Variants in CPNE2 observed in about 807,000 individuals in gnomAD.
CPNE2 encodes the protein copine-2.
Under a neutral mutation model 69.7 loss-of-function variants are expected in CPNE2, and 42 were observed. The observed-to-expected ratio is 0.60, with a 90% confidence interval of 0.47 to 0.78. The LOEUF (loss-of-function observed/expected upper bound fraction) is 0.78. Among genes scored for constraint, CPNE2 ranks in the 30% least tolerant of loss-of-function variants. The pLI is 0.00. For synonymous variants in CPNE2, 294 were observed against 289.8 expected, an observed-to-expected ratio of 1.01 and a Z score of -0.15; for missense variants, 587 against 732.0, an observed-to-expected ratio of 0.80 and a Z score of 2.29.
At chr16:57,131,188 A>G (rs575193119) in intron 12 of CPNE2, among the ~76,000 whole-genome samples, 31 of 152,372 alleles carry the variant, frequency 2.0e-4, no homozygotes, top group African/African-American at 7.2e-4. Context: ...TTGCCTCCCC[A>G]TGAGAAGCCT....
chr16:57,117,194 G>A lies in CPNE2; in HGVS notation c.436-302G>A, dbSNP rs569308956. ...GCTCTCTGGGCCAGAACCTCTCCCC[G>A]GGACTCAAGACCACCCCCGGTGTCT... On this transcript the variant is annotated intron_variant, in intron 4 of 15. Transcript: ENST00000290776. Among the ~76,000 whole-genome samples the A allele has an allele frequency of 5.3e-5, 8 of 152,194 alleles. No individual in the cohort carries two copies. Among genetic ancestry groups the A allele is most frequent in the East Asian group, 3.9e-4 (2 of 5,178 alleles).
intron 11 of CPNE2, among the ~76,000 whole-genome samples, chr16:57,126,595 G>T (rs1342198480): frequency 6.6e-6 from 1 of 152,204 alleles, no homozygotes; most frequent in Non-Finnish European, 1.5e-5. Flanking sequence ...GTCACAGATG[G>T]TGCTGATTGG....
In CPNE2 at chr16:57,127,915, C is replaced by A. The variant is rs113463269; in HGVS notation, c.1116+12C>A. On this transcript the variant is annotated intron_variant, in intron 12 of 15. Transcript: ENST00000290776. Reference sequence around the variant, plus strand: ...CCCCAGACTGGAAGGTGAGTGAAACCGGAGTTAGTTTCCTTTTGGTTGAGA... The same window carrying A: ...CCCCAGACTGGAAGGTGAGTGAAACAGGAGTTAGTTTCCTTTTGGTTGAGA... 11 of 1,613,838 alleles carry A rather than the reference C, an allele frequency of 6.8e-6. 1 individual carries two copies. Among genetic ancestry groups the A allele is most frequent in the African/African-American group, 5.3e-5 (4 of 74,994 alleles).
intron 14 of CPNE2, 157 bp from the exon 15 acceptor site, chr16:57,145,928 G>A: frequency 1.5e-6 from 1 of 656,474 alleles, no homozygotes; most frequent in South Asian, 1.8e-5. Flanking sequence ...GGGGTGCTGA[G>A]AGCAGGACGC....
intron 4 of CPNE2, 57 bp from the exon 5 acceptor site, chr16:57,117,439 C>G: frequency 6.4e-7 from 1 of 1,573,252 alleles, no homozygotes; most frequent in Non-Finnish European, 8.7e-7. Flanking sequence ...CCTGTGCCAT[C>G]CTGCCTGGCA....
rs2069921205 is a variant in CPNE2 at position 57,141,317 on chromosome 16, A to C, written c.1302+4035A>C. On this transcript the variant is annotated intron_variant, in intron 14 of 15. Coordinates refer to ENST00000290776, the MANE Select transcript of CPNE2 (RefSeq NM_152727.6). ...AAGAAGCAGAAGGACTTGAGGCCCA[A>C]GCACCTGGTGCTAGTCCTCTGGACA... 5.2e-5 allele frequency: 8 copies of C among 152,406 alleles called. No homozygotes were observed. In the South Asian group the frequency reaches 1.7e-3, roughly 32 times the overall value. The allele number at this position is 152,406 out of a possible 1,614,324, so 9.4% of individuals were successfully genotyped here. A position where few individuals can be genotyped will look rare whatever the true frequency, so the allele number is the denominator to read the frequency against.
chr16:57,124,400 T>A, intron 10 of CPNE2: 1 of 456,612 alleles, frequency 2.2e-6, no homozygotes. Flanking sequence ...TTTCCTATTT[T>A]CTGGGCACTT....
At chr16:57,126,114 T>C (rs2278985) in intron 11 of CPNE2, 121 bp downstream of exon 11, 46,253 of 1,260,080 alleles carry the variant, frequency 0.037, 2,218 homozygotes, top group East Asian at 0.16. Context: ...GCAAATGGCA[T>C]AGGTGCAGTT....
intron 1 of CPNE2, among the ~76,000 whole-genome samples, chr16:57,094,884 T>C (rs2069568651): frequency 6.6e-6 from 1 of 152,130 alleles, no homozygotes; most frequent in African/African-American, 2.4e-5. Context: ...CTCACAGGGC[T>C]CTAAGGAGTG....
At chr16:57,127,692 C>T (rs1166807140) in intron 11 of CPNE2, among the ~76,000 whole-genome samples, 157 bp from the exon 12 acceptor site, 1 of 151,720 alleles carries the variant, frequency 6.6e-6, no homozygotes, top group Non-Finnish European at 1.5e-5. Context: ...GGGTTGGGCT[C>T]ATTAGGTAGA....
chr16:57,117,535 C>A lies in CPNE2; in HGVS notation c.475C>A (p.Leu159Ile), dbSNP rs769928244. The change falls in exon 5 of 16, where the codon CTA (leucine) becomes ATA (isoleucine). Residue 159 changes from leucine to isoleucine, a missense_variant. Coordinates refer to ENST00000290776, the MANE Select transcript of CPNE2 (RefSeq NM_152727.6). ...GCTGTCCGACAACCGCGTCATCACA[C>A]TAAGCCTGGCGGGCAGGAGGCTGGA... ...QELSDNRVITLSLAGRRLDKK... is the reference protein window; with the variant it reads ...QELSDNRVITISLAGRRLDKK... 2 of 1,613,888 alleles carry A rather than the reference C, an allele frequency of 1.2e-6. No homozygotes were observed. Among genetic ancestry groups the A allele is most frequent in the Non-Finnish European group, 1.7e-6 (2 of 1,179,960 alleles).
intron 13 of CPNE2, among the ~76,000 whole-genome samples, chr16:57,136,036 GAGGAAGAA>G (rs1356558304): frequency 2.7e-5 from 4 of 145,652 alleles, no homozygotes; most frequent in Non-Finnish European, 4.5e-5. Context: ...GGGAGGGAGG[GAGGAAGAA>G]AGGAAGAAAG....
chr16:57,124,434 T>C, intron 10 of CPNE2: 1 of 454,292 alleles, frequency 2.2e-6, no homozygotes, highest in South Asian at 1.6e-5. Flanking sequence ...TCATATGCAT[T>C]TGTCGCTTCT....
intron 1 of CPNE2, among the ~76,000 whole-genome samples, chr16:57,104,221 A>C (rs2069634283): frequency 6.6e-6 from 1 of 152,174 alleles, no homozygotes; most frequent in Admixed American, 6.5e-5. Flanking sequence ...CCCGGCCGGA[A>C]GGCACTCTTG....
In CPNE2 at chr16:57,120,989, C is replaced by G. The variant is rs1567669070; in HGVS notation, c.682-104C>G. The stretch of plus-strand genomic sequence containing the variant: ...CAGCTAGGCAGATGCTGAGGAGAGG[C>G]ACTACCCAAACAGAAGACAGAGGGT... On this transcript the variant is annotated intron_variant, in intron 7 of 15. Transcript: ENST00000290776. 5 of 752,878 alleles carry G rather than the reference C, an allele frequency of 6.6e-6. No homozygotes were observed. In the East Asian group the frequency reaches 1.4e-4, roughly 21 times the overall value. The allele number at this position is 752,878 out of a possible 1,614,324, so 46.6% of individuals were successfully genotyped here.
intron 1 of CPNE2, among the ~76,000 whole-genome samples, chr16:57,104,658 G>A (rs2069637328): frequency 6.6e-6 from 1 of 152,216 alleles, no homozygotes; most frequent in African/African-American, 2.4e-5. Context: ...GAGGGACGGG[G>A]CAGACAGACA....
At chr16:57,093,975 CT>C (rs564679469) in intron 1 of CPNE2, 100 of 452,116 alleles carry the variant, frequency 2.2e-4, no homozygotes, top group African/African-American at 1.0e-3. Context: ...CCCTCCCCCC[CT>C]GTGGCCCTCT....
intron 11 of CPNE2, among the ~76,000 whole-genome samples, chr16:57,126,559 G>A (rs2069802855): frequency 6.6e-6 from 1 of 152,176 alleles, no homozygotes; most frequent in African/African-American, 2.4e-5. Flanking sequence ...TGGCAGGTGT[G>A]GCTACCAACA....
intron 11 of CPNE2, 62 bp from the exon 12 acceptor site, chr16:57,127,787 G>T: frequency 1.3e-6 from 2 of 1,551,856 alleles, no homozygotes; most frequent in Non-Finnish European, 1.8e-6. Context: ...CCAGCCCTGG[G>T]CAGAGGGTCG....
Sources: allele counts gnomAD v4.1 joint callset (sites outside exome capture counted in the v4.1 genomes callset), GRCh38; gene constraint gnomAD v4.1.1; transcripts MANE v1.5; gene names NCBI Gene and HGNC (gene_info 2026-07-23, HGNC 2026-07-21).